NCKAP5: variants seen among roughly 807,000 people sequenced by gnomAD.
NCKAP5 encodes nck-associated protein 5.
A neutral mutation model predicts 167.0 loss-of-function variants in NCKAP5; 92 were observed. The ratio of observed to expected loss-of-function variants is 0.55; its 90% confidence interval spans 0.47 to 0.66. The LOEUF is 0.66. Among genes scored for constraint, NCKAP5 ranks in the 30% least tolerant of loss-of-function variants. The pLI is 0.00. For missense variants in NCKAP5, 2,378 were observed against 2,315.0 expected, an observed-to-expected ratio of 1.03 and a Z score of -0.56; for synonymous variants, 891 against 877.4, an observed-to-expected ratio of 1.02 and a Z score of -0.27.
chr2:133,421,122 G>A (rs548850806), intron 3 of NCKAP5, among the ~76,000 whole-genome samples: 12 of 152,104 alleles, frequency 7.9e-5, no homozygotes, highest in African/African-American at 2.4e-4. Context: ...AGCTAGACTC[G>A]CCTAAAACAA....
the NCKAP5 span, among the ~76,000 whole-genome samples, chr2:133,650,893 CA>C: frequency 1.2e-4 from 18 of 151,758 alleles, no homozygotes; most frequent in Admixed American, 1.1e-3. Flanking sequence ...AATAAACAAA[CA>C]AACAAAAAAA....
intron 8 of NCKAP5, chr2:132,926,261 A>G: frequency 3.9e-6 from 1 of 256,586 alleles, no homozygotes; most frequent in South Asian, 4.2e-5. Flanking sequence ...CATTGTGTGT[A>G]TATACCACGT....
At chr2:133,344,437 G>A (rs1458415205) in intron 3 of NCKAP5, among the ~76,000 whole-genome samples, 3 of 150,350 alleles carry the variant, frequency 2.0e-5, no homozygotes, top group Non-Finnish European at 4.4e-5. Context: ...TAATAAAAAC[G>A]CGAGGCAGGG....
chr2:133,074,523 C>T (rs1573952125), intron 6 of NCKAP5, among the ~76,000 whole-genome samples: 1 of 151,974 alleles, frequency 6.6e-6, no homozygotes, highest in South Asian at 2.1e-4. Context: ...AACCCTCCAG[C>T]TAGTTTTTTC....
chr2:133,319,152 C>T (rs1412223951), intron 3 of NCKAP5, among the ~76,000 whole-genome samples: 1 of 149,082 alleles, frequency 6.7e-6, no homozygotes, highest in African/African-American at 2.5e-5. Context: ...CACCCCTCCC[C>T]CCCCGCCCCC....
At chr2:133,556,338 A>G (rs1358168721) in intron 2 of NCKAP5, among the ~76,000 whole-genome samples, 1 of 152,254 alleles carries the variant, frequency 6.6e-6, no homozygotes, top group Non-Finnish European at 1.5e-5. Context: ...CTAATATGAT[A>G]TGGACTGTAG....
At chr2:132,817,857 T>C (rs769749665) in intron 11 of NCKAP5, among the ~76,000 whole-genome samples, 4 of 152,114 alleles carry the variant, frequency 2.6e-5, no homozygotes, top group Non-Finnish European at 5.9e-5. Context: ...CAACTCAGAG[T>C]GTATGCTTCA....
chr2:133,057,143 G>A (rs138309591), intron 6 of NCKAP5, among the ~76,000 whole-genome samples: 87 of 152,160 alleles, frequency 5.7e-4, no homozygotes, highest in Middle Eastern at 3.4e-3. Context: ...ATCAATAAAC[G>A]TGTGTTCTGA....
chr2:132,784,349 G>C lies in NCKAP5; in HGVS notation c.2462C>G (p.Ala821Gly). 2 of 1,614,034 alleles carry C rather than the reference G, an allele frequency of 1.2e-6. No individual in the cohort carries two copies. Among genetic ancestry groups the C allele is most frequent in the Middle Eastern group, 1.7e-4 (1 of 6,060 alleles). Reference sequence around the variant, plus strand: ...GCCAGATGAAGGGAGTAGTGTGGTGGCTTCGGGCTCCATTAGTTTTGATTT... The same window carrying C: ...GCCAGATGAAGGGAGTAGTGTGGTGCCTTCGGGCTCCATTAGTTTTGATTT... ...PQKSKLMEPE[A>G]TTLLPSSGLV... The change falls in exon 14 of 20, where the codon GCC becomes GGC. Residue 821 changes from alanine (A) to glycine (G), a missense_variant. Ala to Gly is a moderately conservative substitution (Grantham distance 60). Coordinates refer to ENST00000409261, the MANE Select transcript of NCKAP5 (RefSeq NM_207363.3).
intron 6 of NCKAP5, among the ~76,000 whole-genome samples, chr2:132,996,149 T>C (rs1034318903): frequency 6.6e-6 from 1 of 152,206 alleles, no homozygotes; most frequent in Non-Finnish European, 1.5e-5. Flanking sequence ...GTTGACCAAA[T>C]ATCATTATGT....
At chr2:133,642,699 G>A in the NCKAP5 span, among the ~76,000 whole-genome samples, 1 of 152,178 alleles carries the variant, frequency 6.6e-6, no homozygotes, top group Non-Finnish European at 1.5e-5. Context: ...ATATTGACAG[G>A]AAACACTACC....
At chr2:132,862,370 G>C (rs762547519) in intron 10 of NCKAP5, among the ~76,000 whole-genome samples, 1 of 152,218 alleles carries the variant, frequency 6.6e-6, no homozygotes, top group Non-Finnish European at 1.5e-5. Context: ...TAAAGCTTAT[G>C]TATAGGGTGT....
At chr2:133,550,966 C>T (rs1428941349) in intron 2 of NCKAP5, among the ~76,000 whole-genome samples, 1 of 151,942 alleles carries the variant, frequency 6.6e-6, no homozygotes, top group Non-Finnish European at 1.5e-5. Context: ...AGACAAACAG[C>T]CAAATCATGA....
intron 8 of NCKAP5, among the ~76,000 whole-genome samples, chr2:132,938,214 G>T (rs113148137): frequency 2.6e-5 from 4 of 152,256 alleles, no homozygotes; most frequent in African/African-American, 7.2e-5. Flanking sequence ...CCCTCTATTG[G>T]CCTGTCAGTC....
intron 19 of NCKAP5, 32 bp downstream of exon 19, chr2:132,725,595 C>T: frequency 1.3e-6 from 2 of 1,588,802 alleles, no homozygotes; most frequent in Admixed American, 1.8e-5. Flanking sequence ...GAGAGAGGAA[C>T]CTGCAGGGCC....
intron 3 of NCKAP5, among the ~76,000 whole-genome samples, chr2:133,418,786 G>A (rs1465922044): frequency 6.6e-6 from 1 of 152,130 alleles, no homozygotes; most frequent in Admixed American, 6.6e-5. Context: ...ATTGCCGTTA[G>A]TGTTTCTAAT....
chr2:133,097,561 C>G (rs1378770615), intron 6 of NCKAP5, among the ~76,000 whole-genome samples: 1 of 152,126 alleles, frequency 6.6e-6, no homozygotes, highest in African/African-American at 2.4e-5. Context: ...ATCGTCAGAA[C>G]CTTTACTCGG....
At chr2:133,597,698 A>AAAAAAAAAAAAAAAAAAAAG in the NCKAP5 span, among the ~76,000 whole-genome samples, 1 of 141,540 alleles carries the variant, frequency 7.1e-6, no homozygotes, top group African/African-American at 2.7e-5. Context: ...AAAAAAAAAA[A>AAAAAAAAAAAAAAAAAAAAG]GAAGAGAAAA....
intron 19 of NCKAP5, among the ~76,000 whole-genome samples, chr2:132,693,729 G>A (rs939604773): frequency 6.8e-6 from 1 of 148,064 alleles, no homozygotes; most frequent in African/African-American, 2.5e-5. Context: ...CAGTTCAAGC[G>A]ATTCTCCTGC....
Sources: allele counts gnomAD v4.1 joint callset (sites outside exome capture counted in the v4.1 genomes callset), GRCh38; gene constraint gnomAD v4.1.1; transcripts MANE v1.5; gene names NCBI Gene and HGNC (gene_info 2026-07-23, HGNC 2026-07-21).